The following VPS41 variants were observed in gnomAD, a reference collection of about 807,000 sequenced individuals.
The protein encoded by VPS41 is vacuolar protein sorting-associated protein 41 homolog.
A neutral mutation model predicts 130.9 loss-of-function variants in VPS41; 85 were observed. The observed-to-expected ratio is 0.65, with a 90% confidence interval of 0.55 to 0.78. The LOEUF is 0.78. Among genes scored for constraint, VPS41 ranks in the 30% least tolerant of loss-of-function variants. The probability of loss-of-function intolerance (pLI) is 0.00; values close to 1 mark genes in which losing one functional copy is unlikely to be tolerated. For missense variants in VPS41, 874 were observed against 1,018.7 expected (o/e 0.86, Z 1.93); for synonymous variants, 335 against 332.9 (o/e 1.01, Z -0.07).
intron 27 of VPS41, among the ~76,000 whole-genome samples, chr7:38,727,838 C>T (rs1177036274): frequency 1.3e-5 from 2 of 152,186 alleles, no homozygotes; most frequent in Non-Finnish European, 2.9e-5. Context: ...TTAGTTTCCG[C>T]TTTTGAATTA....
chr7:38,868,557 G>A (rs1430176496), intron 3 of VPS41, among the ~76,000 whole-genome samples: 2 of 152,160 alleles, frequency 1.3e-5, no homozygotes, highest in African/African-American at 4.8e-5. Context: ...TTCTGACTAT[G>A]ACACAAACTG....
At chr7:38,784,814 GC>G (rs1784410837) in intron 10 of VPS41, among the ~76,000 whole-genome samples, 1 of 152,212 alleles carries the variant, frequency 6.6e-6, no homozygotes, top group South Asian at 2.1e-4. Flanking sequence ...CAGTGCTGCT[GC>G]AAGGGCTAAA....
At chr7:38,888,078 C>G (rs1786774796) in intron 2 of VPS41, among the ~76,000 whole-genome samples, 1 of 152,134 alleles carries the variant, frequency 6.6e-6, no homozygotes, top group Admixed American at 6.6e-5. Context: ...CAAAAACATG[C>G]CAAATTGTAA....
chr7:38,823,398 C>T (rs900534314), intron 5 of VPS41, among the ~76,000 whole-genome samples: 2 of 152,148 alleles, frequency 1.3e-5, no homozygotes, highest in Non-Finnish European at 1.5e-5. Context: ...GCCTTCAGAA[C>T]TGTGAGAAAT....
chr7:38,842,135 A>G (rs894210450), intron 4 of VPS41, among the ~76,000 whole-genome samples: 2 of 152,214 alleles, frequency 1.3e-5, no homozygotes, highest in Admixed American at 1.3e-4. Context: ...AAGCCAGAGT[A>G]CTAAGAGTCA....
At chr7:38,818,526 C>T (rs1785106783) in intron 6 of VPS41, among the ~76,000 whole-genome samples, 1 of 152,204 alleles carries the variant, frequency 6.6e-6, no homozygotes, top group Admixed American at 6.5e-5. Context: ...GTTGCTCCAC[C>T]ACCCTTGTTA....
chr7:38,826,392 G>A (rs1188595444), intron 5 of VPS41, among the ~76,000 whole-genome samples: 3 of 152,122 alleles, frequency 2.0e-5, no homozygotes, highest in African/African-American at 7.2e-5. Flanking sequence ...TTCAAAGGGA[G>A]AAAAACCATG....
At chr7:38,823,880 C>T (rs1785221129) in intron 5 of VPS41, among the ~76,000 whole-genome samples, 2 of 152,116 alleles carry the variant, frequency 1.3e-5, no homozygotes, top group African/African-American at 2.4e-5. Context: ...AAAGTCATTA[C>T]TTTTATGGAA....
At chr7:38,757,544 C>T (rs970670555) in intron 18 of VPS41, among the ~76,000 whole-genome samples, 2 of 152,170 alleles carry the variant, frequency 1.3e-5, no homozygotes, top group Non-Finnish European at 2.9e-5. Context: ...GGGTATCTAA[C>T]AGGACAACGT....
intron 22 of VPS41, 77 bp from the exon 23 acceptor site, chr7:38,745,690 A>T: frequency 8.8e-7 from 1 of 1,138,964 alleles, no homozygotes; most frequent in South Asian, 1.3e-5. Context: ...ATTTAAACTT[A>T]CACTTGAAAG....
chr7:38,889,005 A>G (rs953550402), intron 2 of VPS41, among the ~76,000 whole-genome samples: 54 of 152,092 alleles, frequency 3.6e-4, no homozygotes, highest in Non-Finnish European at 2.9e-4. Context: ...TACCTAATGT[A>G]GGTGACAGGT....
At chr7:38,848,853 T>C (rs1785785014) in intron 4 of VPS41, among the ~76,000 whole-genome samples, 1 of 152,148 alleles carries the variant, frequency 6.6e-6, no homozygotes, top group Non-Finnish European at 1.5e-5. Flanking sequence ...ACCACTGCTC[T>C]TTCTACATCC....
chr7:38,771,297 AG>A, intron 13 of VPS41, 43 bp from the exon 14 acceptor site: 15 of 1,317,630 alleles, frequency 1.1e-5, no homozygotes, highest in Non-Finnish European at 1.4e-5. Context: ...AAAAAAAAGC[AG>A]AAAAGGAGGG....
intron 2 of VPS41, among the ~76,000 whole-genome samples, chr7:38,871,470 G>C (rs1359652755): frequency 6.6e-6 from 1 of 152,128 alleles, no homozygotes; most frequent in Non-Finnish European, 1.5e-5. Flanking sequence ...TGACTTAAAA[G>C]AAAAAACAAA....
intron 10 of VPS41, among the ~76,000 whole-genome samples, chr7:38,782,296 A>G (rs762328255): frequency 5.3e-5 from 8 of 152,164 alleles, no homozygotes; most frequent in Non-Finnish European, 8.8e-5. Context: ...CTTTCCAGTG[A>G]ATGCCAACTG....
intron 2 of VPS41, among the ~76,000 whole-genome samples, chr7:38,885,501 T>G (rs1355880078): frequency 1.3e-5 from 2 of 152,150 alleles, no homozygotes; most frequent in African/African-American, 4.8e-5. Flanking sequence ...CACTACTAAT[T>G]CTACTCAGAA....
chr7:38,742,029 A>G lies in VPS41; in HGVS notation c.2215T>C (p.Leu739=). Reference sequence around the variant, plus strand: ...AGAATTTTAACCAAGGAATCTCTCAAATTGGGGATCTCCATTCCTTCCTTA... The same window carrying G: ...AGAATTTTAACCAAGGAATCTCTCAGATTGGGGATCTCCATTCCTTCCTTA... ...RIKEGMEIPN[L]RDSLVKILQD... The change falls in exon 25 of 29, where the codon TTG becomes CTG. Residue 739 remains leucine (L), a synonymous_variant. Coordinates refer to ENST00000310301, the MANE Select transcript of VPS41 (RefSeq NM_014396.4). 6.2e-7 allele frequency: 1 copy of G among 1,613,450 alleles called. No homozygotes were observed. The highest frequency in any genetic ancestry group is 8.5e-7 in the Non-Finnish European group (1 of 1,179,694).
intron 25 of VPS41, among the ~76,000 whole-genome samples, chr7:38,729,613 C>T (rs1231304412): frequency 6.6e-6 from 1 of 152,088 alleles, no homozygotes; most frequent in Non-Finnish European, 1.5e-5. Flanking sequence ...TCCTCCCTTC[C>T]TGCCTGGAGA....
At chr7:38,749,677 G>A (rs903868573) in intron 22 of VPS41, among the ~76,000 whole-genome samples, 2 of 152,114 alleles carry the variant, frequency 1.3e-5, no homozygotes, top group East Asian at 1.9e-4. Context: ...TCTATGAGTC[G>A]CTCTTTATAC....
Sources: allele counts gnomAD v4.1 joint callset (sites outside exome capture counted in the v4.1 genomes callset), GRCh38; gene constraint gnomAD v4.1.1; transcripts MANE v1.5; gene names NCBI Gene and HGNC (gene_info 2026-07-23, HGNC 2026-07-21).